Variants in RNF19A observed in about 807,000 individuals in gnomAD.
The protein encoded by RNF19A is ring finger protein 19A, RBR E3 ubiquitin protein ligase, also known as E3 ubiquitin-protein ligase RNF19A.
Under a neutral mutation model 75.7 loss-of-function variants are expected in RNF19A, and 32 were observed. The observed-to-expected ratio is 0.42, with a 90% CI of 0.32 to 0.57. The LOEUF is 0.57. Among genes scored for constraint, RNF19A ranks in the 20% least tolerant of loss-of-function variants. The probability of loss-of-function intolerance (pLI) is 0.10; values close to 1 mark genes in which losing one functional copy is unlikely to be tolerated. For synonymous variants in RNF19A, 335 were observed against 345.2 expected (o/e 0.97, Z 0.33); for missense variants, 782 against 1,036.3 (o/e 0.75, Z 3.37).
At chr8:100,278,566 A>C (rs981431737) in intron 2 of RNF19A, among the ~76,000 whole-genome samples, 1 of 152,200 alleles carries the variant, frequency 6.6e-6, no homozygotes, top group Non-Finnish European at 1.5e-5. Flanking sequence ...AGCTAATATG[A>C]ACACTGAGAG....
intron 1 of RNF19A, among the ~76,000 whole-genome samples, chr8:100,328,046 G>T (rs1822558211): frequency 2.0e-5 from 3 of 152,126 alleles, no homozygotes; most frequent in African/African-American, 7.2e-5. Context: ...TATAAGAATG[G>T]CTGTCTTTGC....
chr8:100,282,133 C>G (rs1820806754), intron 2 of RNF19A, among the ~76,000 whole-genome samples: 1 of 152,074 alleles, frequency 6.6e-6, no homozygotes, highest in Admixed American at 6.6e-5. Context: ...ATATCCAAAG[C>G]TACATTCTTT....
intron 1 of RNF19A, among the ~76,000 whole-genome samples, chr8:100,320,195 C>T (rs1822445451): frequency 6.6e-6 from 1 of 152,162 alleles, no homozygotes; most frequent in South Asian, 2.1e-4. Flanking sequence ...ATAACATATT[C>T]TATTGTTTTA....
intron 2 of RNF19A, among the ~76,000 whole-genome samples, chr8:100,278,105 C>T (rs1820611068): frequency 1.3e-5 from 2 of 152,262 alleles, no homozygotes; most frequent in Non-Finnish European, 2.9e-5. Context: ...CTCCCAACAA[C>T]TAAGTTTTCC....
intron 1 of RNF19A, among the ~76,000 whole-genome samples, chr8:100,326,953 G>T (rs890735626): frequency 1.3e-5 from 2 of 152,182 alleles, no homozygotes; most frequent in African/African-American, 4.8e-5. Flanking sequence ...ATCAGCAGAG[G>T]AGCCAATGGG....
At position 100,275,215 on chromosome 8, in the gene RNF19A, A is replaced by C; in HGVS notation, c.675-54T>G. 4.0e-6 allele frequency: 6 copies of C among 1,491,704 alleles called. No homozygotes were observed. The highest frequency in any genetic ancestry group is 5.6e-6 in the Non-Finnish European group (6 of 1,074,492). 92.4% of individuals were successfully genotyped at this position (1,491,704 alleles called of 1,614,324 possible). On this transcript the variant is annotated intron_variant, in intron 2 of 9. Transcript: ENST00000341084. The surrounding 1 kb of genome is among the most constrained non-coding windows in gnomAD (Gnocchi z 4.3). Reference sequence around the variant, plus strand: ...ATGTGACATAAAACAAGAGATACTCATTTCAAAAAGTATCCAACTAAAGAT... The same window carrying C: ...ATGTGACATAAAACAAGAGATACTCCTTTCAAAAAGTATCCAACTAAAGAT...
rs903707682 is a variant in RNF19A, at chr8:100,284,558, A to C, written c.674+2943T>G. Among the ~76,000 whole-genome samples, 1 of 152,174 alleles carries C rather than the reference A, an allele frequency of 6.6e-6. No homozygotes were observed. Among genetic ancestry groups the C allele is most frequent in the Admixed American group, 6.5e-5 (1 of 15,278 alleles). ...CAATTATTTGTTAAATTTATATAAT[A>C]ATCACGTGGTTGTTTTCATAGTAAC... On this transcript the variant is annotated intron_variant, in intron 2 of 9. Coordinates refer to ENST00000341084, the MANE Select transcript of RNF19A (RefSeq NM_183419.4). The surrounding 1 kb of genome is among the most constrained non-coding windows in gnomAD (Gnocchi z 4.3).
intron 3 of RNF19A, among the ~76,000 whole-genome samples, chr8:100,271,267 T>C (rs534914224): frequency 4.0e-4 from 61 of 152,170 alleles, no homozygotes; most frequent in African/African-American, 1.3e-3. Context: ...ACCAGGACAA[T>C]TGATAATTAC....
Position 100,322,162 on chromosome 8 carries a change from CCTCT to C in RNF19A, c.-242-8794_-242-8791del, listed in dbSNP as rs1478238519. 6.6e-6 allele frequency among the ~76,000 whole-genome samples: 1 copy of C among 152,188 alleles called. No individual in the cohort carries two copies. The highest frequency in any genetic ancestry group is 6.5e-5 in the Admixed American group (1 of 15,278). On this transcript the variant is annotated intron_variant, in intron 1 of 3. Transcript: ENST00000519527. The surrounding 1 kb of genome is among the most constrained non-coding windows in gnomAD (Gnocchi z 5.1). Reference sequence around the variant, plus strand: ...GCTTTGAAGCCAAGCATTGACTTCTCCTCTCTATGAAGTCCAAATGGCATCTTCT... The same window carrying C: ...GCTTTGAAGCCAAGCATTGACTTCTCCTATGAAGTCCAAATGGCATCTTCT...
Position 100,261,439 on chromosome 8 carries a change from A to G in RNF19A, c.1682+103T>C, listed in dbSNP as rs777057805. The stretch of plus-strand genomic sequence containing the variant: ...ACATTACTATTTTGAACCTTGACAT[A>G]GTAGGGTTATATATAATCATCATGC... On this transcript the variant is annotated intron_variant, in intron 8 of 9. Transcript: ENST00000341084. The surrounding 1 kb of genome is among the most constrained non-coding windows in gnomAD (Gnocchi z 4.4). 2 of 1,011,332 alleles carry G rather than the reference A, an allele frequency of 2.0e-6. No individual in the cohort carries two copies. Among genetic ancestry groups the G allele is most frequent in the Non-Finnish European group, 3.0e-6 (2 of 660,872 alleles). The allele number at this position is 1,011,332 out of a possible 1,614,324, so 62.6% of individuals were successfully genotyped here.
At chr8:100,283,872 A>T (rs1820897240) in intron 2 of RNF19A, among the ~76,000 whole-genome samples, 1 of 152,212 alleles carries the variant, frequency 6.6e-6, no homozygotes, top group Non-Finnish European at 1.5e-5. Context: ...AACCATTTTT[A>T]TAAAAATCAA....
chr8:100,303,285 T>A (rs1204508836), intron 1 of RNF19A: 1 of 152,246 alleles, frequency 6.6e-6, no homozygotes, highest in Non-Finnish European at 1.5e-5. Flanking sequence ...TGCGGTTACA[T>A]CACTCCAATC....
chr8:100,259,206 T>C lies in RNF19A; in HGVS notation c.1867A>G (p.Lys623Glu), dbSNP rs527762332. The C allele has an allele frequency of 5.9e-5, 96 of 1,613,736 alleles. No individual in the cohort carries two copies. In the South Asian group the frequency reaches 8.1e-4, roughly 14 times the overall value. ...SMEVQVDIES[K>E]PSKFRHNSGS... ...CTGTTGTGCCTGAATTTGGATGGCTTTGACTCAATATCTACTTGCACCTCC... is the reference window on the plus strand; with the variant it reads ...CTGTTGTGCCTGAATTTGGATGGCTCTGACTCAATATCTACTTGCACCTCC... The change falls in exon 10 of 10, where the codon AAG becomes GAG. Residue 623 changes from lysine to glutamate, a missense_variant. Physicochemically the swap from Lys to Glu is moderately conservative, Grantham distance 56 (BLOSUM62 1). Coordinates refer to ENST00000341084, the MANE Select transcript of RNF19A (RefSeq NM_183419.4). This position sits in a 1 kb window ranked among gnomAD's most constrained non-coding sequence, Gnocchi z 4.5.
At chr8:100,281,523 T>C (rs951371836) in intron 2 of RNF19A, among the ~76,000 whole-genome samples, 1 of 152,140 alleles carries the variant, frequency 6.6e-6, no homozygotes, top group Non-Finnish European at 1.5e-5. Flanking sequence ...GGGTGATATA[T>C]TCTACCTGGA....
chr8:100,310,321 G>A (rs2130269607), upstream of RNF19A: 1 of 858,542 alleles, frequency 1.2e-6, no homozygotes, highest in Non-Finnish European at 1.4e-6. Flanking sequence ...CCCCGACTGC[G>A]GCCCCCACGC....
Position 100,288,126 on chromosome 8 carries a change from A to C in RNF19A, c.49T>G (p.Cys17Gly). ...ATTGAGACAGGGTCAGTGTTTACAC[A>C]CAGCCCTTCATTATATTTAGAGATA... ...GFISKYNEGL[C>G]VNTDPVSILT... Residue 17 changes from cysteine to glycine, a missense_variant, in exon 2 of 10, where the codon TGT (cysteine) becomes GGT (glycine). Physicochemically the swap from Cys to Gly is radical, Grantham distance 159. Around this residue, in one of 7 missense-constraint regions of RNF19A, gnomAD observed 148 missense variants for 147.9 expected, o/e 1.00. Coordinates refer to ENST00000341084, the MANE Select transcript of RNF19A (RefSeq NM_183419.4). 4 of 1,613,320 alleles carry C rather than the reference A, an allele frequency of 2.5e-6. No homozygotes were observed. In the South Asian group the frequency reaches 4.4e-5, roughly 18 times the overall value.
chr8:100,258,774 G>A lies in RNF19A; in HGVS notation c.2299C>T (p.Arg767Cys), dbSNP rs373796452. The change falls in exon 10 of 10, where the codon CGT becomes TGT. Residue 767 changes from arginine (R) to cysteine (C), a missense_variant. Around this residue, in one of 7 missense-constraint regions of RNF19A, gnomAD observed 442 missense variants for 541.6 expected, o/e 0.82. Coordinates refer to ENST00000341084, the MANE Select transcript of RNF19A (RefSeq NM_183419.4). The surrounding 1 kb of genome is among the most constrained non-coding windows in gnomAD (Gnocchi z 4.3). ...VNILPEVEND[R>C]LENSPHQCSI... ...CACTGATGTGGGGAATTTTCCAGAC[G>A]GTCATTTTCTACCTCAGGAAGAATG... The A allele has an allele frequency of 2.1e-5, 34 of 1,614,032 alleles. No individual in the cohort carries two copies. Among genetic ancestry groups the A allele is most frequent in the Non-Finnish European group, 2.5e-5 (30 of 1,180,034 alleles).
intron 1 of RNF19A, among the ~76,000 whole-genome samples, chr8:100,289,794 T>C (rs896494733): frequency 1.3e-5 from 2 of 152,174 alleles, no homozygotes; most frequent in African/African-American, 2.4e-5. Context: ...TAGAAAGGAA[T>C]GCATAAGAAA....
rs539206995 is a variant in RNF19A at position 100,329,318 on chromosome 8, T to G, written c.-243+6790A>C. Among the ~76,000 whole-genome samples the G allele has an allele frequency of 4.0e-5, 6 of 151,892 alleles. No homozygotes were observed. The highest frequency in any genetic ancestry group is 7.4e-5 in the Non-Finnish European group (5 of 67,958). Reference sequence around the variant, plus strand: ...TTCTTTTGGATCAAAAAATGCCACCTACATAGTTACAAAAGGCCTGACTTG... The same window carrying G: ...TTCTTTTGGATCAAAAAATGCCACCGACATAGTTACAAAAGGCCTGACTTG... On this transcript the variant is annotated intron_variant, in intron 1 of 3. Transcript: ENST00000519527. The surrounding 1 kb of genome is among the most constrained non-coding windows in gnomAD (Gnocchi z 4.3).
Sources: gnomAD v4.1 joint callset for allele counts (sites outside exome capture counted in the v4.1 genomes callset) on GRCh38, gnomAD v4.1.1 for gene constraint, gnomAD v4.1.1 regional missense constraint, Gnocchi (gnomAD v3.1) non-coding constraint, MANE v1.5 for transcripts, NCBI Gene and HGNC (gene_info 2026-07-23, HGNC 2026-07-21) for gene names.